The following CRYBG1 variants were observed in gnomAD, a reference collection of about 807,000 sequenced individuals.
The protein encoded by CRYBG1 is beta/gamma crystallin domain-containing protein 1.
Under a neutral mutation model 189.2 loss-of-function variants are expected in CRYBG1, and 139 were observed. The observed-to-expected ratio is 0.73, with a 90% confidence interval of 0.64 to 0.85. CRYBG1 has a LOEUF of 0.85. Ranked by LOEUF, CRYBG1 falls within the 40% of genes least tolerant of loss-of-function variation. The pLI is 0.00. For synonymous variants in CRYBG1, 1,023 were observed against 1,017.1 expected (o/e 1.01, Z -0.11); for missense variants, 2,611 against 2,675.8 (o/e 0.98, Z 0.53).
At chr6:106,429,777 C>T (rs1272814531) in intron 1 of CRYBG1, among the ~76,000 whole-genome samples, 1 of 152,174 alleles carries the variant, frequency 6.6e-6, no homozygotes, top group Non-Finnish European at 1.5e-5. Context: ...ACCTATCTCA[C>T]AGGTTTGTTG....
At chr6:106,478,330 AAGCG>A (rs1369853986) in intron 2 of CRYBG1, among the ~76,000 whole-genome samples, 1 of 152,232 alleles carries the variant, frequency 6.6e-6, no homozygotes, top group Non-Finnish European at 1.5e-5. Context: ...TTTGTAATCA[AAGCG>A]AGTTAAGCTC....
intron 1 of CRYBG1, among the ~76,000 whole-genome samples, chr6:106,375,399 A>G (rs145803927): frequency 0.024 from 3,215 of 135,508 alleles, 50 homozygotes; most frequent in South Asian, 0.057. Context: ...GTAAGTAAGT[A>G]AGTAAGTAAG....
At chr6:106,523,634 G>T (rs1323629147) in intron 4 of CRYBG1, among the ~76,000 whole-genome samples, 1 of 151,484 alleles carries the variant, frequency 6.6e-6, no homozygotes, top group Non-Finnish European at 1.5e-5. Flanking sequence ...TAAATTTTAG[G>T]CTTTTTCTTC....
intron 1 of CRYBG1, among the ~76,000 whole-genome samples, chr6:106,404,936 C>A (rs149550598): frequency 0.013 from 1,942 of 152,156 alleles, 39 homozygotes; most frequent in African/African-American, 0.044. Flanking sequence ...CCTTGGGTTT[C>A]AAGCACAAAA....
rs780648379 is a variant in CRYBG1 at position 106,519,684 on chromosome 6, C to G, written c.2476C>G (p.Leu826Val). 1 of 1,614,164 alleles carries G rather than the reference C, an allele frequency of 6.2e-7. No homozygotes were observed. Among genetic ancestry groups the G allele is most frequent in the South Asian group, 1.1e-5 (1 of 91,074 alleles). The change falls in exon 4 of 22, where the codon CTT (leucine) becomes GTT (valine). Residue 826 changes from leucine (L) to valine (V), a missense_variant. Physicochemically the swap from Leu to Val is conservative, Grantham distance 32. Transcript: ENST00000633556. ...CTCAGAGGCTGCAGACAGCAAAAGC[C>G]TTGTACTTGAAAATGTAACCGATAC... ...EDSEAADSKSLVLENVTDTAQ... is the reference protein window; with the variant it reads ...EDSEAADSKSVVLENVTDTAQ...
intron 2 of CRYBG1, among the ~76,000 whole-genome samples, chr6:106,459,742 T>C (rs1475341493): frequency 2.0e-5 from 3 of 152,164 alleles, no homozygotes; most frequent in Non-Finnish European, 4.4e-5. Flanking sequence ...CAACACCATC[T>C]CTATGCTTTT....
In CRYBG1 at chr6:106,512,917, G is replaced by T; in HGVS notation, c.1800G>T (p.Glu600Asp). 6.2e-7 allele frequency: 1 copy of T among 1,607,426 alleles called. No individual in the cohort carries two copies. Among genetic ancestry groups the T allele is most frequent in the East Asian group, 2.2e-5 (1 of 44,636 alleles). The change falls in exon 3 of 22, where the codon GAG becomes GAT. Residue 600 changes from glutamate (E) to aspartate (D), a missense_variant. Transcript: ENST00000633556. ...PLPNHFNGRAEGGRSRELGRA... is the reference protein window; with the variant it reads ...PLPNHFNGRADGGRSRELGRA... Reference sequence around the variant, plus strand: ...CCAACCACTTCAACGGCCGGGCAGAGGGAGGTCGAAGCAGAGAGCTGGGCA... The same window carrying T: ...CCAACCACTTCAACGGCCGGGCAGATGGAGGTCGAAGCAGAGAGCTGGGCA...
intron 13 of CRYBG1, among the ~76,000 whole-genome samples, chr6:106,550,625 T>C (rs1488715424): frequency 6.6e-6 from 1 of 152,234 alleles, no homozygotes; most frequent in Non-Finnish European, 1.5e-5. Context: ...TACATATTTA[T>C]GTGATGTTGG....
chr6:106,376,339 T>C (rs7755014), intron 1 of CRYBG1, among the ~76,000 whole-genome samples: 61,465 of 152,022 alleles, frequency 0.4, 13,937 homozygotes, highest in Non-Finnish European at 0.5. Flanking sequence ...ATCCACATCT[T>C]GAACCTCAGT....
chr6:106,439,254 G>A (rs9480668), intron 1 of CRYBG1, among the ~76,000 whole-genome samples: 16,707 of 152,064 alleles, frequency 0.11, 1,063 homozygotes, highest in Middle Eastern at 0.17. Flanking sequence ...TAAACAATGT[G>A]TGAAATAGAA....
At chr6:106,398,662 C>G (rs1278511748) in intron 1 of CRYBG1, among the ~76,000 whole-genome samples, 1 of 152,138 alleles carries the variant, frequency 6.6e-6, no homozygotes, top group Non-Finnish European at 1.5e-5. Context: ...CATTCATTTC[C>G]TTCTCCAGCT....
chr6:106,515,817 G>A (rs962288500), intron 3 of CRYBG1, among the ~76,000 whole-genome samples: 1 of 150,534 alleles, frequency 6.6e-6, no homozygotes. Flanking sequence ...TTTTGAGACA[G>A]GATCTCACTC....
At chr6:106,397,838 C>T (rs1338664846) in intron 1 of CRYBG1, among the ~76,000 whole-genome samples, 1 of 152,136 alleles carries the variant, frequency 6.6e-6, no homozygotes, top group Non-Finnish European at 1.5e-5. Flanking sequence ...CCAGGAAATC[C>T]TATATTTTTA....
rs188131348 is a variant in CRYBG1 at position 106,511,867 on chromosome 6, C to T, written c.750C>T (p.Thr250=). 501 of 1,516,160 alleles carry T rather than the reference C, an allele frequency of 3.3e-4. 2 individuals carry two copies. The African/African-American group carries it at 6.1e-3, about 19-fold the overall frequency. 93.9% of individuals were successfully genotyped at this position (1,516,160 alleles called of 1,614,324 possible). A position where few individuals can be genotyped will look rare whatever the true frequency, so the allele number is the denominator to read the frequency against. ...GAGAGCCTTTCCCAGATGCCACCAC[C>T]ACTGCCAAGCAGCTGCATTCCTCGC... ...AEGEPFPDAT[T]TAKQLHSSPG... Residue 250 remains threonine, a synonymous_variant, in exon 3 of 22, where the codon ACC becomes ACT. Transcript: ENST00000633556.
chr6:106,470,212 A>G (rs534964225), intron 2 of CRYBG1, among the ~76,000 whole-genome samples: 2 of 152,144 alleles, frequency 1.3e-5, no homozygotes, highest in East Asian at 1.9e-4. Context: ...TAATCCCAAC[A>G]CTTTGGGAGG....
chr6:106,527,243 T>C, intron 6 of CRYBG1, 62 bp from the exon 7 acceptor site: 1 of 1,430,604 alleles, frequency 7.0e-7, no homozygotes, highest in Non-Finnish European at 9.4e-7. Flanking sequence ...GCCAGGTTAT[T>C]TGAGTAATCA....
chr6:106,525,427 G>GC, intron 6 of CRYBG1, 41 bp downstream of exon 6: 1 of 1,497,036 alleles, frequency 6.7e-7, no homozygotes, highest in Non-Finnish European at 9.3e-7. Flanking sequence ...AAGTGTTTGA[G>GC]TTTTACATAC....
At chr6:106,422,522 C>T (rs529556484) in intron 1 of CRYBG1, among the ~76,000 whole-genome samples, 4 of 151,658 alleles carry the variant, frequency 2.6e-5, no homozygotes, top group Non-Finnish European at 2.9e-5. Context: ...TTTTAGAGAG[C>T]GTGTTTCACC....
chr6:106,437,533 G>T (rs1468734335), intron 1 of CRYBG1, among the ~76,000 whole-genome samples: 1 of 151,968 alleles, frequency 6.6e-6, no homozygotes, highest in African/African-American at 2.4e-5. Flanking sequence ...AATTCCTGGG[G>T]TCAAGCAATC....
Sources: allele counts gnomAD v4.1 joint callset (sites outside exome capture counted in the v4.1 genomes callset), GRCh38; gene constraint gnomAD v4.1.1; transcripts MANE v1.5; gene names NCBI Gene and HGNC (gene_info 2026-07-23, HGNC 2026-07-21).